Variants in MAGI2 observed in about 807,000 individuals in gnomAD.
MAGI2 encodes the protein membrane-associated guanylate kinase, WW and PDZ domain-containing protein 2.
A neutral mutation model predicts 133.3 loss-of-function variants in MAGI2; 35 were observed. That is an observed-to-expected ratio of 0.26 (90% CI 0.20 to 0.35). The LOEUF (loss-of-function observed/expected upper bound fraction) is 0.35. Ranked by LOEUF, MAGI2 falls within the 10% of genes least tolerant of loss-of-function variation. MAGI2 has a pLI of 1.00. For missense variants in MAGI2, 1,636 were observed against 1,863.4 expected (o/e 0.88, Z 2.25); for synonymous variants, 729 against 710.6 (o/e 1.03, Z -0.41).
Position 79,035,835 on chromosome 7 carries a change from C to A in MAGI2, c.302-28629G>T, listed in dbSNP as rs996509665. ...CATAAATGAAGAAGATTATAGAAACCCAATTCACAATCCTGTAAATTGAGA... is the reference window on the plus strand; with the variant it reads ...CATAAATGAAGAAGATTATAGAAACACAATTCACAATCCTGTAAATTGAGA... On this transcript the variant is annotated intron_variant, in intron 1 of 21. Transcript: ENST00000354212. Among the ~76,000 whole-genome samples, 5 of 151,966 alleles carry A rather than the reference C, an allele frequency of 3.3e-5. No individual in the cohort carries two copies. The South Asian group carries it at 1.0e-3, about 32-fold the overall frequency.
rs1811826086 is a variant in MAGI2 at position 78,049,760 on chromosome 7, G to A, written c.3706+29187C>T. 3.3e-5 allele frequency among the ~76,000 whole-genome samples: 5 copies of A among 152,158 alleles called. 1 individual carries two copies. Among genetic ancestry groups the A allele is most frequent in the Admixed American group, 3.3e-4 (5 of 15,272 alleles). On this transcript the variant is annotated intron_variant, in intron 21 of 21. Coordinates refer to ENST00000354212, the MANE Select transcript of MAGI2 (RefSeq NM_012301.4). ...GTATCCTTGTAACAGACGACATCCT[G>A]TAACAGTATACCTGGCAGAGCAAAA...
At chr7:79,157,859 T>C (rs1334211545) in intron 1 of MAGI2, among the ~76,000 whole-genome samples, 6 of 150,720 alleles carry the variant, frequency 4.0e-5, no homozygotes, top group East Asian at 3.9e-4. Flanking sequence ...AGTTTTTTTT[T>C]TTTTTTTTTT....
chr7:78,768,260 C>T (rs1165511295), intron 2 of MAGI2, among the ~76,000 whole-genome samples: 1 of 152,170 alleles, frequency 6.6e-6, no homozygotes, highest in Non-Finnish European at 1.5e-5. Context: ...TGGTAATCCT[C>T]TTAGGAACTT....
intron 2 of MAGI2, among the ~76,000 whole-genome samples, chr7:78,997,016 A>T (rs1806370843): frequency 6.6e-6 from 1 of 152,178 alleles, no homozygotes. Flanking sequence ...GTAAATCAGA[A>T]TTCCTACTCA....
intron 1 of MAGI2, among the ~76,000 whole-genome samples, chr7:79,214,828 T>C (rs1563004349): frequency 1.4e-5 from 2 of 143,740 alleles, no homozygotes; most frequent in Non-Finnish European, 3.0e-5. Context: ...TATTTATAAA[T>C]TATAAAATTA....
chr7:78,788,595 G>A (rs1175808893), intron 2 of MAGI2, among the ~76,000 whole-genome samples: 1 of 149,180 alleles, frequency 6.7e-6, no homozygotes, highest in Non-Finnish European at 1.5e-5. Context: ...AAAAAAAAAA[G>A]CACTGAGTAT....
At chr7:78,568,588 C>T (rs1801182604) in intron 3 of MAGI2, among the ~76,000 whole-genome samples, 2 of 152,132 alleles carry the variant, frequency 1.3e-5, no homozygotes, top group South Asian at 4.1e-4. Flanking sequence ...ATTTTTAAAA[C>T]ATAACCTATG....
rs148859696 is a variant in MAGI2, at chr7:78,314,055, C to T, written c.1408+29723G>A. On this transcript the variant is annotated intron_variant, in intron 9 of 21. Transcript: ENST00000354212. ...CATTAAAAAGATTAATCAAACATAACGTTTCTGTACGATTTATCATGGAGC... is the reference window on the plus strand; with the variant it reads ...CATTAAAAAGATTAATCAAACATAATGTTTCTGTACGATTTATCATGGAGC... Among the ~76,000 whole-genome samples, 64 of 152,118 alleles carry T rather than the reference C, an allele frequency of 4.2e-4. No homozygotes were observed. The East Asian group carries it at 6.0e-3, about 14-fold the overall frequency.
At chr7:78,667,609 C>T (rs1358303137) in intron 2 of MAGI2, among the ~76,000 whole-genome samples, 1 of 132,434 alleles carries the variant, frequency 7.6e-6, no homozygotes, top group East Asian at 2.3e-4. Flanking sequence ...TCTCATTGTT[C>T]AATTCCCACC....
chr7:79,001,057 C>A (rs1395558571), intron 2 of MAGI2, among the ~76,000 whole-genome samples: 1 of 152,264 alleles, frequency 6.6e-6, no homozygotes, highest in Non-Finnish European at 1.5e-5. Flanking sequence ...GCTGGGACTG[C>A]AGGTGCACAC....
intron 2 of MAGI2, among the ~76,000 whole-genome samples, chr7:78,662,936 T>A (rs1813133676): frequency 6.6e-6 from 1 of 152,156 alleles, no homozygotes; most frequent in Admixed American, 6.5e-5. Context: ...CCAAAATCAC[T>A]TACAGAATAG....
At position 79,252,694 on chromosome 7, in the gene MAGI2, T is replaced by G. The variant is rs182030561; in HGVS notation, c.301+200326A>C. Among the ~76,000 whole-genome samples the G allele has an allele frequency of 2.6e-5, 4 of 152,308 alleles. No homozygotes were observed. In the East Asian group the frequency reaches 7.7e-4, roughly 29 times the overall value. ...CATGTACTATTACACGTTGTATGCC[T>G]GTATCAATGTATCTCATGTGCTTGA... On this transcript the variant is annotated intron_variant, in intron 1 of 21. Coordinates refer to ENST00000354212, the MANE Select transcript of MAGI2 (RefSeq NM_012301.4).
chr7:78,692,115 C>T (rs1817025521), intron 2 of MAGI2, among the ~76,000 whole-genome samples: 1 of 151,978 alleles, frequency 6.6e-6, no homozygotes, highest in Non-Finnish European at 1.5e-5. Flanking sequence ...ATTTGAAGAG[C>T]TGAAAGTTAA....
chr7:79,238,300 A>G (rs1451331013), intron 1 of MAGI2, among the ~76,000 whole-genome samples: 2 of 151,904 alleles, frequency 1.3e-5, no homozygotes, highest in Non-Finnish European at 2.9e-5. Context: ...TCCTTCATCA[A>G]ATATATCTTC....
At chr7:78,931,793 T>C (rs1300476489) in intron 2 of MAGI2, among the ~76,000 whole-genome samples, 1 of 152,096 alleles carries the variant, frequency 6.6e-6, no homozygotes, top group African/African-American at 2.4e-5. Context: ...TATTGATCTT[T>C]CCTTTCACTC....
intron 21 of MAGI2, among the ~76,000 whole-genome samples, chr7:78,049,831 C>T (rs1363936077): frequency 2.0e-5 from 3 of 152,118 alleles, no homozygotes; most frequent in South Asian, 4.1e-4. Flanking sequence ...GATGTTGCAA[C>T]GTTTTCTTAT....
At chr7:79,320,117 A>T (rs575883251) in intron 1 of MAGI2, among the ~76,000 whole-genome samples, 1 of 152,230 alleles carries the variant, frequency 6.6e-6, no homozygotes, top group Non-Finnish European at 1.5e-5. Flanking sequence ...TCAGATCACA[A>T]TCCCAGTAAT....
chr7:79,224,829 A>G (rs529388875), intron 1 of MAGI2, among the ~76,000 whole-genome samples: 1 of 152,346 alleles, frequency 6.6e-6, no homozygotes, highest in African/African-American at 2.4e-5. Flanking sequence ...TAGGGCATTG[A>G]CTACAAACGG....
intron 2 of MAGI2, among the ~76,000 whole-genome samples, chr7:78,778,464 G>A (rs1826151656): frequency 6.6e-6 from 1 of 151,986 alleles, no homozygotes; most frequent in Non-Finnish European, 1.5e-5. Context: ...GTGACTGGAT[G>A]GTTTGTATAA....
Sources: allele counts gnomAD v4.1 joint callset (sites outside exome capture counted in the v4.1 genomes callset), GRCh38; gene constraint gnomAD v4.1.1; transcripts MANE v1.5; gene names NCBI Gene and HGNC (gene_info 2026-07-23, HGNC 2026-07-21).